Variants in PDGFRA observed in about 807,000 individuals in gnomAD.
PDGFRA encodes the protein platelet derived growth factor receptor alpha, also known as platelet-derived growth factor receptor alpha.
A neutral mutation model predicts 121.5 loss-of-function variants in PDGFRA; 25 were observed. The observed-to-expected ratio is 0.21, with a 90% confidence interval of 0.15 to 0.29. The LOEUF (loss-of-function observed/expected upper bound fraction) is 0.29. Ranked by LOEUF, PDGFRA falls within the 10% of genes least tolerant of loss-of-function variation. PDGFRA has a pLI of 1.00. For synonymous variants in PDGFRA, 463 were observed against 494.8 expected (o/e 0.94, Z 0.85); for missense variants, 1,008 against 1,345.1 (o/e 0.75, Z 3.92).
intron 16 of PDGFRA, among the ~76,000 whole-genome samples, chr4:54,283,282 T>A (rs1215335198): frequency 2.6e-5 from 4 of 152,184 alleles, no homozygotes; most frequent in African/African-American, 7.2e-5. Context: ...CCTGGTTTTT[T>A]AATATATCCT....
chr4:54,261,922 TATATATATA>T (rs1349762874), intron 3 of PDGFRA, among the ~76,000 whole-genome samples: 2 of 72,690 alleles, frequency 2.8e-5, no homozygotes, highest in East Asian at 4.1e-4. Flanking sequence ...TATATATATA[TATATATATA>T]TTTTTTTTTT....
chr4:54,241,518 T>A (rs546227438), intron 1 of PDGFRA, among the ~76,000 whole-genome samples: 18 of 136,718 alleles, frequency 1.3e-4, no homozygotes, highest in Non-Finnish European at 1.9e-4. Context: ...AAAGGAAATT[T>A]ATTTATTTAT....
chr4:54,264,884 G>A (rs769713524), intron 4 of PDGFRA, 35 bp from the exon 5 acceptor site: 8 of 1,600,596 alleles, frequency 5.0e-6, no homozygotes, highest in African/African-American at 1.3e-5. Context: ...CTATCCTGTG[G>A]ATTTTTAGGC....
chr4:54,282,035 G>T, intron 16 of PDGFRA: 1 of 865,800 alleles, frequency 1.2e-6, no homozygotes. Flanking sequence ...AGATTTTAGT[G>T]TGTGTTTATG....
At chr4:54,259,120 C>CT (rs950996016) in intron 2 of PDGFRA, among the ~76,000 whole-genome samples, 17 of 152,188 alleles carry the variant, frequency 1.1e-4, no homozygotes, top group African/African-American at 4.1e-4. Flanking sequence ...TTTCCTAGGA[C>CT]AAGGCTTCTA....
At chr4:54,265,472 C>A in intron 5 of PDGFRA, 1 of 274,010 alleles carries the variant, frequency 3.6e-6, no homozygotes, top group South Asian at 4.3e-5. Flanking sequence ...GCCCGCACCC[C>A]TTCCTCTTCT....
At chr4:54,271,963 C>T (rs183292371) in intron 8 of PDGFRA, among the ~76,000 whole-genome samples, 6 of 1,502 alleles carry the variant, frequency 4.0e-3, no homozygotes, top group African/African-American at 0.014. Flanking sequence ...ATTCTCCCCT[C>T]CCCTCCCCCC....
At chr4:54,245,646 C>G (rs1441680000) in intron 1 of PDGFRA, among the ~76,000 whole-genome samples, 1 of 152,014 alleles carries the variant, frequency 6.6e-6, no homozygotes, top group Non-Finnish European at 1.5e-5. Context: ...TAGGAAGAAA[C>G]TGCATCAACT....
intron 1 of PDGFRA, among the ~76,000 whole-genome samples, chr4:54,245,522 C>T (rs1424206556): frequency 2.6e-5 from 4 of 151,548 alleles, no homozygotes; most frequent in Non-Finnish European, 4.4e-5. Flanking sequence ...CTGAGAGATT[C>T]TGTCACCACC....
intron 2 of PDGFRA, among the ~76,000 whole-genome samples, chr4:54,259,825 G>A (rs73252946): frequency 0.17 from 25,558 of 152,140 alleles, 2,450 homozygotes; most frequent in Admixed American, 0.3. Context: ...TCTCACACCA[G>A]GTTCCAAGGG....
chr4:54,296,720 C>T lies in PDGFRA; in HGVS notation c.*1448C>T. On this transcript the variant is annotated 3_prime_UTR_variant, in exon 23 of 23. Coordinates refer to ENST00000257290, the MANE Select transcript of PDGFRA (RefSeq NM_006206.6). ...TCTGATCGGCCAGTTTTCGGAAACA[C>T]TGACTTAGGTTTCAGGAAGTTGCCA... 1 of 232,848 alleles carries T rather than the reference C, an allele frequency of 4.3e-6. No individual in the cohort carries two copies. The highest frequency in any genetic ancestry group is 6.0e-5 in the East Asian group (1 of 16,540). The allele number at this position is 232,848 out of a possible 1,614,324, so 14.4% of individuals were successfully genotyped here.
In PDGFRA at chr4:54,281,486, C is replaced by G. The variant is rs900390472; in HGVS notation, c.2323+1004C>G. On this transcript the variant is annotated intron_variant, in intron 16 of 22. Coordinates refer to ENST00000257290, the MANE Select transcript of PDGFRA (RefSeq NM_006206.6). ...TCTCATTGCCAAATGGGTGAACTTC[C>G]AAGCGCTTTTAAAAGATTAGCCAGT... 4.9e-6 allele frequency: 4 copies of G among 814,024 alleles called. No individual in the cohort carries two copies. In the Admixed American group the frequency reaches 1.2e-4, roughly 25 times the overall value. 50.4% of individuals were successfully genotyped at this position (814,024 alleles called of 1,614,324 possible).
intron 22 of PDGFRA, among the ~76,000 whole-genome samples, chr4:54,292,793 C>T (rs183478567): frequency 9.3e-4 from 142 of 152,180 alleles, no homozygotes; most frequent in Middle Eastern, 3.4e-3. Flanking sequence ...GACCAGATAC[C>T]GCATGTTCTC....
chr4:54,249,847 T>C (rs1393718977), intron 1 of PDGFRA, among the ~76,000 whole-genome samples: 1 of 152,074 alleles, frequency 6.6e-6, no homozygotes, highest in Non-Finnish European at 1.5e-5. Context: ...TTATTATTTT[T>C]GTAAGTTAAA....
At chr4:54,237,980 C>A (rs1408544031) in intron 1 of PDGFRA, among the ~76,000 whole-genome samples, 1 of 152,200 alleles carries the variant, frequency 6.6e-6, no homozygotes, top group Non-Finnish European at 1.5e-5. Flanking sequence ...GACTTTGGGT[C>A]ATTTGCAAAA....
chr4:54,231,345 C>T (rs970571746), intron 1 of PDGFRA, among the ~76,000 whole-genome samples: 1 of 152,226 alleles, frequency 6.6e-6, no homozygotes, highest in Non-Finnish European at 1.5e-5. Context: ...ACCGACTCGC[C>T]TCGCCGCGGT....
intron 1 of PDGFRA, among the ~76,000 whole-genome samples, chr4:54,253,506 A>G (rs1005703329): frequency 1.3e-5 from 2 of 152,198 alleles, no homozygotes; most frequent in Non-Finnish European, 2.9e-5. Context: ...TCAACAGAGC[A>G]GGGGTCTCTT....
At chr4:54,236,734 CA>C (rs1225593776) in intron 1 of PDGFRA, among the ~76,000 whole-genome samples, 1 of 151,786 alleles carries the variant, frequency 6.6e-6, no homozygotes, top group Non-Finnish European at 1.5e-5. Flanking sequence ...ACTTGGGAGG[CA>C]GAGGTTGCAA....
intron 22 of PDGFRA, among the ~76,000 whole-genome samples, chr4:54,292,238 G>A (rs922760532): frequency 4.6e-5 from 7 of 152,174 alleles, no homozygotes; most frequent in Admixed American, 3.9e-4. Flanking sequence ...CTGCTGCACT[G>A]TTCACAATAG....
Sources: gnomAD v4.1 joint callset for allele counts (sites outside exome capture counted in the v4.1 genomes callset) on GRCh38, gnomAD v4.1.1 for gene constraint, MANE v1.5 for transcripts, NCBI Gene and HGNC (gene_info 2026-07-23, HGNC 2026-07-21) for gene names.